Variants in GRM1 observed in about 807,000 individuals in gnomAD.
GRM1 encodes the protein glutamate metabotropic receptor 1, also known as metabotropic glutamate receptor 1.
GRM1 carries 33 observed loss-of-function variants against 90.9 expected under a neutral mutation model. The observed-to-expected ratio is 0.36, with a 90% CI of 0.28 to 0.49. The LOEUF is 0.49. Among genes scored for constraint, GRM1 ranks in the 20% least tolerant of loss-of-function variants. The pLI is 0.99. For missense variants in GRM1, 1,190 were observed against 1,534.3 expected, an observed-to-expected ratio of 0.78 and a Z score of 3.75; for synonymous variants, 700 against 613.2, an observed-to-expected ratio of 1.14 and a Z score of -2.09.
intron 3 of GRM1, among the ~76,000 whole-genome samples, chr6:146,334,338 G>A (rs928851966): frequency 6.6e-6 from 1 of 152,150 alleles, no homozygotes; most frequent in African/African-American, 2.4e-5. Context: ...GTTCTGCCTG[G>A]AGAAAAACTA....
chr6:146,335,419 AG>A (rs2115003090), intron 3 of GRM1, among the ~76,000 whole-genome samples: 1 of 152,262 alleles, frequency 6.6e-6, no homozygotes, highest in African/African-American at 2.4e-5. Context: ...AAACTCTAGG[AG>A]GTTTCTTTGT....
At position 146,140,349 on chromosome 6, in the gene GRM1, A is replaced by C. The variant is rs1394121337; in HGVS notation, c.701-18999A>C. 4.0e-5 allele frequency among the ~76,000 whole-genome samples: 6 copies of C among 150,712 alleles called. No homozygotes were observed. The East Asian group carries it at 1.2e-3, about 29-fold the overall frequency. On this transcript the variant is annotated intron_variant, in intron 1 of 7. Transcript: ENST00000282753. ...CAGTGCACGATCTCAGCTCACTGCAACCTCTGCCACCTGGGCTCAAGTGAT... is the reference window on the plus strand; with the variant it reads ...CAGTGCACGATCTCAGCTCACTGCACCCTCTGCCACCTGGGCTCAAGTGAT...
intron 2 of GRM1, among the ~76,000 whole-genome samples, chr6:146,255,618 G>T (rs1178307742): frequency 6.6e-6 from 1 of 151,950 alleles, no homozygotes. Context: ...GCATCTCCTG[G>T]TAGCCAAGTT....
chr6:146,041,455 C>T (rs1219120934), intron 1 of GRM1, among the ~76,000 whole-genome samples: 3 of 151,930 alleles, frequency 2.0e-5, no homozygotes. Context: ...AGACAGCTGC[C>T]TTTATTTTGG....
At chr6:146,400,976 A>G (rs1300918133) in intron 7 of GRM1, among the ~76,000 whole-genome samples, 1 of 152,070 alleles carries the variant, frequency 6.6e-6, no homozygotes, top group Non-Finnish European at 1.5e-5. Context: ...TAACTTTTCA[A>G]TGTAATTCCC....
chr6:146,284,565 T>G (rs1782690900), intron 2 of GRM1, among the ~76,000 whole-genome samples: 1 of 152,142 alleles, frequency 6.6e-6, no homozygotes, highest in Non-Finnish European at 1.5e-5. Flanking sequence ...CCCCATGTGT[T>G]GAGGGAGGGA....
intron 2 of GRM1, among the ~76,000 whole-genome samples, chr6:146,221,859 A>G (rs2114678140): frequency 6.6e-6 from 1 of 152,286 alleles, no homozygotes; most frequent in African/African-American, 2.4e-5. Context: ...TTCTAATAAG[A>G]TATTACTTAC....
intron 1 of GRM1, among the ~76,000 whole-genome samples, chr6:146,119,085 C>T (rs1186635366): frequency 6.6e-6 from 1 of 152,226 alleles, no homozygotes; most frequent in Non-Finnish European, 1.5e-5. Flanking sequence ...TGTTTCTCCA[C>T]ATCCTCTCCA....
At chr6:146,028,958 A>T (rs1012136234), upstream of GRM1, among the ~76,000 whole-genome samples, 25 of 152,262 alleles carry the variant, frequency 1.6e-4, no homozygotes, top group East Asian at 1.9e-3. Context: ...AAACGACTTA[A>T]GGTTGGAGGA....
intron 3 of GRM1, among the ~76,000 whole-genome samples, chr6:146,339,354 A>T (rs1425413868): frequency 1.3e-5 from 2 of 152,208 alleles, no homozygotes; most frequent in African/African-American, 4.8e-5. Context: ...AACATCTCAT[A>T]GTTTCAGACT....
chr6:146,318,846 G>C (rs1168433781), intron 3 of GRM1, among the ~76,000 whole-genome samples: 1 of 151,920 alleles, frequency 6.6e-6, no homozygotes, highest in Non-Finnish European at 1.5e-5. Flanking sequence ...TTTTGATGGG[G>C]TTGTTTTTTT....
chr6:146,186,871 A>G (rs1583133983), intron 2 of GRM1, among the ~76,000 whole-genome samples: 1 of 152,224 alleles, frequency 6.6e-6, no homozygotes. Context: ...TCCTAACTCA[A>G]CTGTCTAAGA....
Position 146,403,074 on chromosome 6 carries a change from A to G in GRM1, c.2660+3375A>G, listed in dbSNP as rs1033500136. Among the ~76,000 whole-genome samples the G allele has an allele frequency of 3.9e-5, 6 of 152,236 alleles. No individual in the cohort carries two copies. In the South Asian group the frequency reaches 6.2e-4, roughly 16 times the overall value. ...TGCAGGACTCAGTAGACTTTAAAAT[A>G]TTGAAAAAATCGATTTATTGGCAAT... On this transcript the variant is annotated intron_variant, in intron 7 of 7. Transcript: ENST00000282753.
At chr6:146,385,132 C>T (rs1056029152) in intron 5 of GRM1, among the ~76,000 whole-genome samples, 3 of 151,804 alleles carry the variant, frequency 2.0e-5, no homozygotes, top group South Asian at 2.1e-4. Flanking sequence ...AAAATGTAAG[C>T]CCAAATCCAT....
intron 2 of GRM1, among the ~76,000 whole-genome samples, chr6:146,284,311 A>G (rs1038373558): frequency 5.9e-5 from 9 of 152,330 alleles, no homozygotes; most frequent in African/African-American, 1.9e-4. Flanking sequence ...AATATCATCC[A>G]AAGCCATTAT....
intron 3 of GRM1, among the ~76,000 whole-genome samples, chr6:146,323,064 G>A (rs1405678062): frequency 2.6e-5 from 4 of 152,122 alleles, no homozygotes; most frequent in South Asian, 2.1e-4. Context: ...ATAAACGTAC[G>A]TGTGCATGTG....
At chr6:146,362,955 G>T (rs1301310813) in intron 5 of GRM1, among the ~76,000 whole-genome samples, 1 of 152,100 alleles carries the variant, frequency 6.6e-6, no homozygotes, top group Non-Finnish European at 1.5e-5. Context: ...AACTAAGAGA[G>T]TCCACTAAGA....
At chr6:146,033,503 T>A (rs2128836686) in intron 1 of GRM1, among the ~76,000 whole-genome samples, 1 of 152,300 alleles carries the variant, frequency 6.6e-6, no homozygotes, top group African/African-American at 2.4e-5. Context: ...CAAGAATTTT[T>A]TTTGAGTGGA....
intron 1 of GRM1, among the ~76,000 whole-genome samples, chr6:146,034,470 G>A (rs1483712378): frequency 1.3e-5 from 2 of 151,848 alleles, no homozygotes; most frequent in Non-Finnish European, 2.9e-5. Context: ...TTTTATGCTT[G>A]AACAGTTATT....
Sources: gnomAD v4.1 joint callset for allele counts (sites outside exome capture counted in the v4.1 genomes callset) on GRCh38, gnomAD v4.1.1 for gene constraint, MANE v1.5 for transcripts, NCBI Gene and HGNC (gene_info 2026-07-23, HGNC 2026-07-21) for gene names.